FOXK2: variants seen among roughly 807,000 people sequenced by gnomAD.
FOXK2 encodes forkhead box protein K2.
Under a neutral mutation model 53.3 loss-of-function variants are expected in FOXK2, and 24 were observed. That is an observed-to-expected ratio of 0.45 (90% CI 0.33 to 0.63). The LOEUF (loss-of-function observed/expected upper bound fraction) is 0.63, where lower values mean the gene tolerates loss of function less well. Among genes scored for constraint, FOXK2 ranks in the 30% least tolerant of loss-of-function variants. The pLI is 0.03. For synonymous variants in FOXK2, 505 were observed against 407.1 expected (o/e 1.24, Z -2.89); for missense variants, 952 against 910.5 (o/e 1.05, Z -0.59).
intron 1 of FOXK2, among the ~76,000 whole-genome samples, chr17:82,523,129 C>CT (rs1251653046): frequency 6.6e-6 from 1 of 152,134 alleles, no homozygotes; most frequent in Non-Finnish European, 1.5e-5. Flanking sequence ...ATGAGTCTTG[C>CT]AGTAGAGATG....
chr17:82,523,397 G>A (rs1271381737), intron 1 of FOXK2, among the ~76,000 whole-genome samples: 1 of 152,002 alleles, frequency 6.6e-6, no homozygotes, highest in Non-Finnish European at 1.5e-5. Flanking sequence ...TTGTGGTGTA[G>A]GGCAGTAACA....
At chr17:82,575,984 T>TCGTCCACA (rs75866843) in intron 4 of FOXK2, among the ~76,000 whole-genome samples, 1 of 88,382 alleles carries the variant, frequency 1.1e-5, no homozygotes, top group Non-Finnish European at 2.1e-5. Context: ...GGCGGCGGGT[T>TCGTCCACA]CGTCCACACG....
chr17:82,566,252 A>T (rs1256836326), intron 2 of FOXK2, among the ~76,000 whole-genome samples: 1 of 152,116 alleles, frequency 6.6e-6, no homozygotes, highest in Non-Finnish European at 1.5e-5. Context: ...ACAAAAAAAA[A>T]AATAGGCCCC....
At chr17:82,554,669 G>A (rs1027940991) in intron 1 of FOXK2, among the ~76,000 whole-genome samples, 23 of 151,654 alleles carry the variant, frequency 1.5e-4, no homozygotes, top group Non-Finnish European at 2.6e-4. Flanking sequence ...TTGGTCAGAC[G>A]TCTCAGGCTT....
chr17:82,584,500 C>T (rs2045107844), intron 6 of FOXK2, among the ~76,000 whole-genome samples: 1 of 128,654 alleles, frequency 7.8e-6, no homozygotes, highest in Non-Finnish European at 1.6e-5. Flanking sequence ...CAAAACAAAA[C>T]AAAAACCCAT....
chr17:82,535,863 C>T (rs1319069390), intron 1 of FOXK2, among the ~76,000 whole-genome samples: 1 of 151,970 alleles, frequency 6.6e-6, no homozygotes, highest in Admixed American at 6.6e-5. Flanking sequence ...CCGCCTCAGC[C>T]TCCCGAGTAG....
At chr17:82,561,913 G>T (rs749341786) in intron 1 of FOXK2, among the ~76,000 whole-genome samples, 6 of 152,128 alleles carry the variant, frequency 3.9e-5, no homozygotes, top group African/African-American at 9.6e-5. Context: ...GTTGGGGGGG[G>T]GGGGTGCCCG....
At chr17:82,530,939 G>A (rs2044467355) in intron 1 of FOXK2, among the ~76,000 whole-genome samples, 1 of 152,222 alleles carries the variant, frequency 6.6e-6, no homozygotes, top group Non-Finnish European at 1.5e-5. Flanking sequence ...GTTGGAGGAT[G>A]TTAGGATAAT....
At position 82,547,622 on chromosome 17, in the gene FOXK2, T is replaced by C. The variant is rs1198958203; in HGVS notation, c.420-15732T>C. ...TATTGTTGCCAGCTTATTTTTACTT[T>C]AAACTTTTTTTTGAGGAATATTTCA... On this transcript the variant is annotated intron_variant, in intron 1 of 8. Transcript: ENST00000335255. Among the ~76,000 whole-genome samples, 8 of 152,374 alleles carry C rather than the reference T, an allele frequency of 5.3e-5. No homozygotes were observed. The East Asian group carries it at 1.5e-3, about 29-fold the overall frequency.
rs1336523486 is a variant in FOXK2 at position 82,585,928 on chromosome 17, T to C, written c.1304T>C (p.Val435Ala). The C allele has an allele frequency of 1.9e-6, 3 of 1,612,300 alleles. No homozygotes were observed. Among genetic ancestry groups the C allele is most frequent in the Non-Finnish European group, 1.7e-6 (2 of 1,179,554 alleles). ...APGSPLSSQP[V>A]LITVQRQLPQ... is the part of the protein sequence containing the mutation. ...GGGTCACCTCTGTCCAGTCAGCCAG[T>C]CTTAATCACCGTCCAGCGGCAGCTA... Residue 435 changes from valine (V) to alanine (A), a missense_variant, in exon 7 of 9, where the codon GTC (valine) becomes GCC (alanine). Physicochemically the swap from Val to Ala is moderately conservative, Grantham distance 64. This residue lies in a region of FOXK2 where 551 missense variants were observed against 385.1 expected (regional missense o/e 1.43). Coordinates refer to ENST00000335255, the MANE Select transcript of FOXK2 (RefSeq NM_004514.4).
intron 3 of FOXK2, among the ~76,000 whole-genome samples, chr17:82,569,061 G>T (rs2044884742): frequency 6.6e-6 from 1 of 152,134 alleles, no homozygotes; most frequent in African/African-American, 2.4e-5. Context: ...TGTCCCTAGG[G>T]GAATGGTGAT....
chr17:82,601,375 A>G lies in FOXK2; in HGVS notation c.1859A>G (p.Asn620Ser), dbSNP rs1050277971. Residue 620 changes from asparagine (N) to serine (S), a missense_variant, in exon 9 of 9, where the codon AAC (asparagine) becomes AGC (serine). Physicochemically the swap from Asn to Ser is conservative, Grantham distance 46. This residue lies in a region of FOXK2 where 551 missense variants were observed against 385.1 expected (regional missense o/e 1.43). Transcript: ENST00000335255. ...ASASLPTKRH[N>S]GDQPEQPELK... ...GCCTCCCTGCCCACAAAGCGCCACA[A>G]CGGTGACCAGCCGGAGCAGCCGGAG... 2 of 1,613,260 alleles carry G rather than the reference A, an allele frequency of 1.2e-6. No individual in the cohort carries two copies. The highest frequency in any genetic ancestry group is 1.7e-6 in the Non-Finnish European group (2 of 1,180,038).
At chr17:82,590,525 C>T (rs1006626576) in intron 8 of FOXK2, among the ~76,000 whole-genome samples, 6 of 152,052 alleles carry the variant, frequency 3.9e-5, no homozygotes, top group African/African-American at 1.4e-4. Flanking sequence ...AAGTCCTTTG[C>T]CCATCATTTA....
intron 8 of FOXK2, among the ~76,000 whole-genome samples, chr17:82,588,605 A>G (rs1403024555): frequency 6.6e-6 from 1 of 152,104 alleles, no homozygotes; most frequent in Non-Finnish European, 1.5e-5. Context: ...CTTGGCTGTT[A>G]GAGGCCAGAG....
At chr17:82,589,097 G>A (rs2045228602) in intron 8 of FOXK2, among the ~76,000 whole-genome samples, 1 of 151,976 alleles carries the variant, frequency 6.6e-6, no homozygotes, top group Admixed American at 6.6e-5. Context: ...ATGTATTTAA[G>A]TTATCTGGAA....
At chr17:82,572,571 T>C (rs1283891175) in intron 4 of FOXK2, among the ~76,000 whole-genome samples, 3 of 152,132 alleles carry the variant, frequency 2.0e-5, no homozygotes, top group Non-Finnish European at 4.4e-5. Flanking sequence ...GTTTTTTCTC[T>C]GTGTATCTGT....
chr17:82,558,885 T>C (rs948655376), intron 1 of FOXK2, among the ~76,000 whole-genome samples: 2 of 152,142 alleles, frequency 1.3e-5, no homozygotes, highest in Non-Finnish European at 1.5e-5. Flanking sequence ...TAGCTGGGAC[T>C]GCAGGTGCCT....
chr17:82,586,658 A>T (rs12951109), intron 7 of FOXK2, among the ~76,000 whole-genome samples: 82,548 of 151,604 alleles, frequency 0.54, 22,820 homozygotes, highest in East Asian at 0.75. Context: ...TCCCAGCACT[A>T]TGGGGGGCTG....
Position 82,577,262 on chromosome 17 carries a change from A to G in FOXK2, c.909+5392A>G, listed in dbSNP as rs142899798. On this transcript the variant is annotated intron_variant, in intron 4 of 8. Transcript: ENST00000335255. ...TTCAAACTCCAGGTAGTACTTGTCCATGTAATTTCTCTGTAATAACTGGAA... is the reference window on the plus strand; with the variant it reads ...TTCAAACTCCAGGTAGTACTTGTCCGTGTAATTTCTCTGTAATAACTGGAA... 229 of 1,302,034 alleles carry G rather than the reference A, an allele frequency of 1.8e-4. 2 individuals carry two copies. The East Asian group carries it at 5.3e-3, about 30-fold the overall frequency. The allele number at this position is 1,302,034 out of a possible 1,614,324, so 80.7% of individuals were successfully genotyped here.
Sources: gnomAD v4.1 joint callset for allele counts (sites outside exome capture counted in the v4.1 genomes callset) on GRCh38, gnomAD v4.1.1 for gene constraint, gnomAD v4.1.1 regional missense constraint, MANE v1.5 for transcripts, NCBI Gene and HGNC (gene_info 2026-07-23, HGNC 2026-07-21) for gene names.